Variants in ZCCHC14 observed in about 807,000 individuals in gnomAD.
The protein encoded by ZCCHC14 is zinc finger CCHC domain-containing protein 14.
Under a neutral mutation model 85.0 loss-of-function variants are expected in ZCCHC14, and 16 were observed. The ratio of observed to expected loss-of-function variants is 0.19; its 90% CI spans 0.13 to 0.29. ZCCHC14 has a LOEUF of 0.29. Among genes scored for constraint, ZCCHC14 ranks in the 10% least tolerant of loss-of-function variants. ZCCHC14 has a pLI of 1.00. For missense variants in ZCCHC14, 1,303 were observed against 1,443.5 expected (o/e 0.90, Z 1.58); for synonymous variants, 775 against 630.7 (o/e 1.23, Z -3.43).
chr16:87,439,403 G>A (rs188686256), intron 2 of ZCCHC14, among the ~76,000 whole-genome samples: 43 of 152,292 alleles, frequency 2.8e-4, no homozygotes, highest in Non-Finnish European at 3.8e-4. Flanking sequence ...AAAGTGCTGG[G>A]ATTACAGGCG....
At chr16:87,434,058 C>A (rs1273613803) in intron 2 of ZCCHC14, among the ~76,000 whole-genome samples, 1 of 152,158 alleles carries the variant, frequency 6.6e-6, no homozygotes, top group East Asian at 1.9e-4. Flanking sequence ...CAGAGCCGGG[C>A]TGCAGTGAAT....
intron 3 of ZCCHC14, among the ~76,000 whole-genome samples, chr16:87,424,173 T>C (rs907558145): frequency 1.1e-4 from 17 of 152,282 alleles, no homozygotes; most frequent in South Asian, 4.1e-4. Flanking sequence ...TCCCTGACAA[T>C]TGCTTGTGTG....
chr16:87,415,259 A>C lies in ZCCHC14; in HGVS notation c.1475+17T>G, dbSNP rs746226357. The C allele has an allele frequency of 1.9e-6, 3 of 1,613,078 alleles. No homozygotes were observed. In the South Asian group the frequency reaches 3.3e-5, roughly 18 times the overall value. On this transcript the variant is annotated intron_variant, in intron 9 of 12. Transcript: ENST00000671377. ...AATGGAAATAAACACAGGTTTCAAA[A>C]CCCACTTCACACTCACTTTTCCAGC...
At chr16:87,455,779 C>G (rs561543764) in intron 2 of ZCCHC14, among the ~76,000 whole-genome samples, 2 of 152,362 alleles carry the variant, frequency 1.3e-5, no homozygotes, top group Non-Finnish European at 2.9e-5. Flanking sequence ...GGAACTGCTT[C>G]GAGCGCCCAT....
intron 2 of ZCCHC14, among the ~76,000 whole-genome samples, chr16:87,438,080 G>A (rs1001954667): frequency 6.6e-6 from 1 of 152,364 alleles, no homozygotes; most frequent in East Asian, 1.9e-4. Context: ...AGAAAATGAG[G>A]AAAAACCCAG....
In ZCCHC14 at chr16:87,412,575, A is replaced by G; in HGVS notation, c.2146T>C (p.Ser716Pro). The G allele has an allele frequency of 6.2e-7, 1 of 1,614,156 alleles. No individual in the cohort carries two copies. The highest frequency in any genetic ancestry group is 8.5e-7 in the Non-Finnish European group (1 of 1,180,026). Residue 716 changes from serine (S) to proline (P), a missense_variant, in exon 12 of 13, where the codon TCG (serine) becomes CCG (proline). Around this residue, in one of 7 missense-constraint regions of ZCCHC14, gnomAD observed 797 missense variants for 730.8 expected, o/e 1.09. Coordinates refer to ENST00000671377, the MANE Select transcript of ZCCHC14 (RefSeq NM_015144.3). ...HQPVQVLSGLSESSSMSPTVS... is the reference protein window; with the variant it reads ...HQPVQVLSGLPESSSMSPTVS... ...GTGGGTGACATGGAGCTGCTCTCCGAAAGCCCAGAGAGGACCTGCACAGGC... is the reference window on the plus strand; with the variant it reads ...GTGGGTGACATGGAGCTGCTCTCCGGAAGCCCAGAGAGGACCTGCACAGGC...
At chr16:87,434,788 G>T (rs532225091) in intron 2 of ZCCHC14, among the ~76,000 whole-genome samples, 44 of 152,090 alleles carry the variant, frequency 2.9e-4, no homozygotes, top group Non-Finnish European at 3.4e-4. Flanking sequence ...TCAGGAGTTC[G>T]AGAGCAGCCT....
chr16:87,417,181 G>C (rs1198419459), intron 8 of ZCCHC14, among the ~76,000 whole-genome samples: 1 of 152,144 alleles, frequency 6.6e-6, no homozygotes, highest in Non-Finnish European at 1.5e-5. Flanking sequence ...CCACAGCAGG[G>C]CTCTGGGGAC....
intron 9 of ZCCHC14, 61 bp from the exon 10 acceptor site, chr16:87,414,602 G>A (rs937707300): frequency 1.6e-5 from 25 of 1,549,062 alleles, no homozygotes; most frequent in Admixed American, 7.6e-5. Flanking sequence ...CCTCACATGC[G>A]GCTTCAAGAC....
At chr16:87,424,429 A>G (rs1307294394) in intron 3 of ZCCHC14, among the ~76,000 whole-genome samples, 1 of 148,612 alleles carries the variant, frequency 6.7e-6, no homozygotes, top group Non-Finnish European at 1.5e-5. Flanking sequence ...GGCAGCAGTG[A>G]TCACTGCTGG....
chr16:87,456,512 G>A (rs953705200), intron 2 of ZCCHC14, among the ~76,000 whole-genome samples: 14 of 109,816 alleles, frequency 1.3e-4, no homozygotes, highest in African/African-American at 3.5e-4. Context: ...CAGCCTGGGC[G>A]ACAGAGCAAG....
At chr16:87,483,834 C>T (rs1474953868) in intron 1 of ZCCHC14, among the ~76,000 whole-genome samples, 1 of 152,244 alleles carries the variant, frequency 6.6e-6, no homozygotes, top group African/African-American at 2.4e-5. Context: ...CACAGGTAGA[C>T]TTACCTGAAT....
chr16:87,462,073 G>C (rs1231217771), intron 1 of ZCCHC14, among the ~76,000 whole-genome samples: 1 of 149,732 alleles, frequency 6.7e-6, no homozygotes, highest in Non-Finnish European at 1.5e-5. Flanking sequence ...TTTGTTACTG[G>C]CCTGGGTAAC....
chr16:87,431,872 G>A (rs1393162363), intron 3 of ZCCHC14, among the ~76,000 whole-genome samples: 1 of 152,170 alleles, frequency 6.6e-6, no homozygotes, highest in Non-Finnish European at 1.5e-5. Context: ...TGGGCTGCAC[G>A]ACATGAGACC....
At chr16:87,486,658 AAAAAAT>A (rs1000994830) in intron 1 of ZCCHC14, among the ~76,000 whole-genome samples, 5 of 152,238 alleles carry the variant, frequency 3.3e-5, no homozygotes, top group Non-Finnish European at 5.9e-5. Flanking sequence ...GCAGCTGGCC[AAAAAAT>A]AAAAATAAAA....
intron 2 of ZCCHC14, among the ~76,000 whole-genome samples, chr16:87,435,650 G>A (rs990464627): frequency 2.6e-5 from 4 of 152,376 alleles, no homozygotes; most frequent in Non-Finnish European, 5.9e-5. Flanking sequence ...TGTGAGGGTC[G>A]TGGAGCACGA....
intron 2 of ZCCHC14, among the ~76,000 whole-genome samples, chr16:87,441,194 G>A (rs569257704): frequency 1.7e-4 from 26 of 151,694 alleles, no homozygotes; most frequent in South Asian, 8.3e-4. Flanking sequence ...GGGTTTCACC[G>A]TGTTAGCCAG....
At chr16:87,484,224 G>A (rs1912413292) in intron 1 of ZCCHC14, among the ~76,000 whole-genome samples, 1 of 152,224 alleles carries the variant, frequency 6.6e-6, no homozygotes, top group African/African-American at 2.4e-5. Context: ...AGGGAAAGGA[G>A]AACCTTGCCT....
At chr16:87,410,658 C>T (rs1382900677) in intron 12 of ZCCHC14, among the ~76,000 whole-genome samples, 2 of 152,222 alleles carry the variant, frequency 1.3e-5, no homozygotes, top group African/African-American at 2.4e-5. Context: ...GGCAGGTGAG[C>T]GCTGGTGAGT....
Sources: gnomAD v4.1 joint callset for allele counts (sites outside exome capture counted in the v4.1 genomes callset) on GRCh38, gnomAD v4.1.1 for gene constraint, gnomAD v4.1.1 regional missense constraint, MANE v1.5 for transcripts, NCBI Gene and HGNC (gene_info 2026-07-23, HGNC 2026-07-21) for gene names.